NCAPD2: variants seen among roughly 807,000 people sequenced by gnomAD.
The protein encoded by NCAPD2 is condensin complex subunit 1.
Under a neutral mutation model 164.5 loss-of-function variants are expected in NCAPD2, and 100 were observed. The ratio of observed to expected loss-of-function variants is 0.61; its 90% confidence interval spans 0.52 to 0.72. The LOEUF (loss-of-function observed/expected upper bound fraction) is 0.72. NCAPD2 is among the 30% of genes least tolerant of loss of function. The pLI is 0.00. For synonymous variants in NCAPD2, 585 were observed against 642.6 expected (o/e 0.91, Z 1.36); for missense variants, 1,560 against 1,749.2 (o/e 0.89, Z 1.93).
intron 15 of NCAPD2, among the ~76,000 whole-genome samples, chr12:6,522,559 G>A (rs11064245): frequency 0.33 from 49,064 of 150,596 alleles, 8,461 homozygotes; most frequent in African/African-American, 0.44. Flanking sequence ...CACTCTAGCC[G>A]GAGCAACAGA....
chr12:6,500,783 T>C (rs1191406365), intron 2 of NCAPD2, among the ~76,000 whole-genome samples: 2 of 152,044 alleles, frequency 1.3e-5, no homozygotes, highest in Non-Finnish European at 2.9e-5. Context: ...AGCCATTGGG[T>C]TTTGAGCATG....
intron 2 of NCAPD2, among the ~76,000 whole-genome samples, chr12:6,496,146 C>T (rs1945982368): frequency 6.6e-6 from 1 of 151,718 alleles, no homozygotes; most frequent in Non-Finnish European, 1.5e-5. Context: ...CAACCTCTGC[C>T]TCCCCAGGCT....
Position 6,531,212 on chromosome 12 carries a change from G to A in NCAPD2, c.4121-115G>A, listed in dbSNP as rs74058624. ...GCCGCAGAAGGGCCTCTCCTGTACA[G>A]CTTGGATTTTATTTCTTCTGTGCGG... On this transcript the variant is annotated intron_variant, in intron 31 of 31. Coordinates refer to ENST00000315579, the MANE Select transcript of NCAPD2 (RefSeq NM_014865.4). This position sits in a 1 kb window ranked among gnomAD's most constrained non-coding sequence, Gnocchi z 4.1. 5,355 of 1,483,780 alleles carry A rather than the reference G, an allele frequency of 3.6e-3. 198 individuals carry two copies. The African/African-American group carries it at 0.066, about 18-fold the overall frequency. 91.9% of individuals were successfully genotyped at this position (1,483,780 alleles called of 1,614,324 possible). A position where few individuals can be genotyped will look rare whatever the true frequency, so the allele number is the denominator to read the frequency against.
chr12:6,526,912 C>G lies in NCAPD2; in HGVS notation c.2756C>G (p.Pro919Arg). ...CCAGAGGAGTCCCCCGCAATGCTCC[C>G]CACTTTCCTGTTGATGAACCTGCTG... ...EDPKESPAML[P>R]TFLLMNLLSL... Residue 919 changes from proline to arginine, a missense_variant, in exon 22 of 32, where the codon CCC becomes CGC. Pro to Arg is a moderately radical substitution (Grantham distance 103). Coordinates refer to ENST00000315579, the MANE Select transcript of NCAPD2 (RefSeq NM_014865.4). 6.2e-7 allele frequency: 1 copy of G among 1,613,628 alleles called. No homozygotes were observed. Among genetic ancestry groups the G allele is most frequent in the Non-Finnish European group, 8.5e-7 (1 of 1,179,820 alleles).
chr12:6,503,671 T>A (rs757054041), intron 2 of NCAPD2, among the ~76,000 whole-genome samples: 7 of 152,010 alleles, frequency 4.6e-5, no homozygotes, highest in Non-Finnish European at 1.0e-4. Flanking sequence ...CTCAGGAGGC[T>A]GAGGCGGGAG....
chr12:6,530,563 T>C, intron 29 of NCAPD2, 128 bp from the exon 30 acceptor site: 1 of 1,162,932 alleles, frequency 8.6e-7, no homozygotes, highest in Non-Finnish European at 1.2e-6. Context: ...TGATCCGGTA[T>C]GGAGCCTTCT....
intron 2 of NCAPD2, among the ~76,000 whole-genome samples, chr12:6,508,902 C>T (rs181993259): frequency 1.1e-3 from 168 of 152,076 alleles, no homozygotes; most frequent in African/African-American, 3.7e-3. Context: ...TCAATATAAT[C>T]GCGAGAAAAC....
In NCAPD2 at chr12:6,531,954, T is replaced by C. The variant is rs1319141769; in HGVS notation, c.*542T>C. Reference sequence around the variant, plus strand: ...ATGAATAAATGTTTTTATATACTTTTAGACATTTTTTCCTAAGCTTGTCTT... The same window carrying C: ...ATGAATAAATGTTTTTATATACTTTCAGACATTTTTTCCTAAGCTTGTCTT... On this transcript the variant is annotated 3_prime_UTR_variant, in exon 32 of 32. Transcript: ENST00000315579. The surrounding 1 kb of genome is among the most constrained non-coding windows in gnomAD (Gnocchi z 4.1). The C allele has an allele frequency of 2.9e-5, 5 of 172,476 alleles. No homozygotes were observed. Among genetic ancestry groups the C allele is most frequent in the Non-Finnish European group, 6.2e-5 (5 of 80,020 alleles). The allele number at this position is 172,476 out of a possible 1,614,324, so 10.7% of individuals were successfully genotyped here.
chr12:6,518,514 T>TGTTG (rs1565544165), intron 13 of NCAPD2, among the ~76,000 whole-genome samples: 1 of 107,096 alleles, frequency 9.3e-6, no homozygotes, highest in African/African-American at 4.0e-5. Context: ...GTTTTTTTTT[T>TGTTG]TTTTTTTTTT....
chr12:6,512,437 A>G (rs1303665261), intron 6 of NCAPD2, among the ~76,000 whole-genome samples: 1 of 152,212 alleles, frequency 6.6e-6, no homozygotes. Context: ...AAGGGCAGGG[A>G]AAAGGAATAG....
rs753705404 is a variant in NCAPD2 at position 6,528,142 on chromosome 12, G to T, written c.3144-31G>T. ...TCTCAAGGAAGATGGGGATGAAATG[G>T]CTTCCCTAATGATCCTCTTCTTGCT... On this transcript the variant is annotated intron_variant, in intron 24 of 31. Transcript: ENST00000315579. This position sits in a 1 kb window ranked among gnomAD's most constrained non-coding sequence, Gnocchi z 5.1. The T allele has an allele frequency of 3.1e-6, 5 of 1,614,186 alleles. No individual in the cohort carries two copies. The South Asian group carries it at 5.5e-5, about 18-fold the overall frequency.
chr12:6,504,208 T>TACAC lies in NCAPD2; in HGVS notation c.128-5508_128-5507insCACA, dbSNP rs1421551900. Among the ~76,000 whole-genome samples the TACAC allele has an allele frequency of 1.8e-4, 4 of 22,568 alleles. No individual in the cohort carries two copies. In the Admixed American group the frequency reaches 1.9e-3, roughly 11 times the overall value. 14.8% of individuals were successfully genotyped at this position (22,568 alleles called of 152,430 possible). On this transcript the variant is annotated intron_variant, in intron 2 of 31. Transcript: ENST00000315579. ...ATATATATATATATATATATATATA[T>TACAC]ATATATATAGATATAGATATATATA...
Position 6,528,800 on chromosome 12 carries a change from C to T in NCAPD2, c.3421C>T (p.Pro1141Ser). The T allele has an allele frequency of 6.2e-7, 1 of 1,614,066 alleles. No homozygotes were observed. ...VSEMAVLLID[P>S]EPQIAALAKN... ...CGAGATGGCGGTGCTGCTCATCGACCCCGAGCCTCAGATTGCTGCCCTGGC... is the reference window on the plus strand; with the variant it reads ...CGAGATGGCGGTGCTGCTCATCGACTCCGAGCCTCAGATTGCTGCCCTGGC... The change falls in exon 26 of 32, where the codon CCC becomes TCC. Residue 1141 changes from proline (P) to serine (S), a missense_variant. Physicochemically the swap from Pro to Ser is moderately conservative, Grantham distance 74. Transcript: ENST00000315579. The surrounding 1 kb of genome is among the most constrained non-coding windows in gnomAD (Gnocchi z 5.1).
At chr12:6,505,988 T>A (rs1405815837) in intron 2 of NCAPD2, among the ~76,000 whole-genome samples, 1 of 151,676 alleles carries the variant, frequency 6.6e-6, no homozygotes, top group Non-Finnish European at 1.5e-5. Context: ...TTACATGGGG[T>A]CTCACTGTCA....
chr12:6,517,819 G>A lies in NCAPD2; in HGVS notation c.1449G>A (p.Leu483=). 1 of 1,614,168 alleles carries A rather than the reference G, an allele frequency of 6.2e-7. No homozygotes were observed. Among genetic ancestry groups the A allele is most frequent in the Non-Finnish European group, 8.5e-7 (1 of 1,180,026 alleles). The change falls in exon 13 of 32, where the codon CTG becomes CTA. Residue 483 remains leucine (L), a synonymous_variant. Coordinates refer to ENST00000315579, the MANE Select transcript of NCAPD2 (RefSeq NM_014865.4). ...LDPEEEWEAM[L]PELKSTLQQL... ...CAGAGGAGGAGTGGGAAGCCATGCT[G>A]CCAGAGTTGAAGTCTACCCTGCAGC...
rs555034506 is a variant in NCAPD2, at chr12:6,509,689, A to G, written c.128-28A>G. 2.9e-5 allele frequency: 46 copies of G among 1,609,278 alleles called. No homozygotes were observed. In the East Asian group the frequency reaches 6.5e-4, roughly 23 times the overall value. On this transcript the variant is annotated intron_variant, in intron 2 of 31. Transcript: ENST00000315579. ...ACTGAAAAGGTTTCTCTTCCCTCCA[A>G]ATTGATTTGTTTTTTCCATCTTCAT...
At position 6,528,690 on chromosome 12, in the gene NCAPD2, C is replaced by T; in HGVS notation, c.3311C>T (p.Pro1104Leu). The change falls in exon 26 of 32, where the codon CCT becomes CTT. Residue 1104 changes from proline (P) to leucine (L), a missense_variant. Transcript: ENST00000315579. This position sits in a 1 kb window ranked among gnomAD's most constrained non-coding sequence, Gnocchi z 5.1. ...AATTCCATTCCTAGTCTCCGGGACC[C>T]TGCTCAGCAAGTGCGGAAAACAGCG... ...TPHLYARLRDPAQQVRKTAGL... is the reference protein window; with the variant it reads ...TPHLYARLRDLAQQVRKTAGL... 6.2e-7 allele frequency: 1 copy of T among 1,612,374 alleles called. No homozygotes were observed. The highest frequency in any genetic ancestry group is 8.5e-7 in the Non-Finnish European group (1 of 1,178,586).
intron 2 of NCAPD2, among the ~76,000 whole-genome samples, chr12:6,502,837 T>TTTG (rs3076196): frequency 0.74 from 111,093 of 149,580 alleles, 41,285 homozygotes; most frequent in African/African-American, 0.78. Flanking sequence ...CAAAGGTGTT[T>TTTG]TTGTTGTTGT....
At chr12:6,510,471 C>A in intron 4 of NCAPD2, 158 bp from the exon 5 acceptor site, 2 of 880,352 alleles carry the variant, frequency 2.3e-6, no homozygotes, top group South Asian at 1.3e-5. Flanking sequence ...TTCAGGGTAT[C>A]AGGGCCAAGG....
Sources: allele counts gnomAD v4.1 joint callset (sites outside exome capture counted in the v4.1 genomes callset), GRCh38; gene constraint gnomAD v4.1.1; non-coding constraint Gnocchi (gnomAD v3.1); transcripts MANE v1.5; gene names NCBI Gene and HGNC (gene_info 2026-07-23, HGNC 2026-07-21).